Variants in DPYD observed in about 807,000 individuals in gnomAD.
DPYD encodes the protein dihydropyrimidine dehydrogenase [NADP(+)].
DPYD carries 109 observed loss-of-function variants against 116.2 expected under a neutral mutation model. That is an observed-to-expected ratio of 0.94 (90% CI 0.80 to 1.10). The LOEUF is 1.10. DPYD is among the 50% of genes least tolerant of loss of function. DPYD has a pLI of 0.00. For missense variants in DPYD, 1,302 were observed against 1,254.5 expected, an observed-to-expected ratio of 1.04 and a Z score of -0.57; for synonymous variants, 440 against 432.0, an observed-to-expected ratio of 1.02 and a Z score of -0.23.
intron 16 of DPYD, among the ~76,000 whole-genome samples, chr1:97,323,614 GTATA>G (rs1491428827): frequency 1.7e-5 from 1 of 57,638 alleles, no homozygotes; most frequent in Admixed American, 1.8e-4. Flanking sequence ...ATATATACAC[GTATA>G]TATACATATC....
chr1:97,193,532 C>G (rs1484879058), intron 19 of DPYD, among the ~76,000 whole-genome samples: 1 of 152,060 alleles, frequency 6.6e-6, no homozygotes, highest in Non-Finnish European at 1.5e-5. Context: ...GTTTAAATAG[C>G]TACAGTTTAT....
chr1:97,267,202 A>G (rs1010497593), intron 18 of DPYD, among the ~76,000 whole-genome samples: 2 of 152,054 alleles, frequency 1.3e-5, no homozygotes, highest in African/African-American at 4.8e-5. Context: ...TTGTTTCCTG[A>G]CTTTTTAATG....
intron 1 of DPYD, among the ~76,000 whole-genome samples, chr1:97,894,247 T>G (rs976560450): frequency 6.6e-6 from 1 of 151,798 alleles, no homozygotes; most frequent in Admixed American, 6.6e-5. Context: ...AGTCTTTTCT[T>G]ATAAGAAGCA....
At chr1:97,500,778 C>G (rs1480945596) in intron 13 of DPYD, among the ~76,000 whole-genome samples, 4 of 152,042 alleles carry the variant, frequency 2.6e-5, no homozygotes, top group Non-Finnish European at 2.9e-5. Flanking sequence ...ACCTTCAGTA[C>G]AAAAATGACA....
At chr1:97,463,561 T>C (rs1335945450) in intron 13 of DPYD, among the ~76,000 whole-genome samples, 1 of 152,070 alleles carries the variant, frequency 6.6e-6, no homozygotes, top group Non-Finnish European at 1.5e-5. Context: ...ACTATGAAAC[T>C]GGATAGCAGG....
Position 97,082,347 on chromosome 1 carries a change from T to C in DPYD, c.2890A>G (p.Asn964Asp). 4 of 1,613,540 alleles carry C rather than the reference T, an allele frequency of 2.5e-6. No individual in the cohort carries two copies. The highest frequency in any genetic ancestry group is 3.4e-6 in the Non-Finnish European group (4 of 1,179,564). ...ATTCTTACCTGGTAGCCAGAATCAT[T>C]ACAGGTCATGTAGCATTTACCACAG... ...INCGKCYMTC[N>D]DSGYQAIQFD... Residue 964 changes from asparagine to aspartate, a missense_variant, in exon 22 of 23, where the codon AAT (asparagine) becomes GAT (aspartate). By Grantham distance (23) the Asn-to-Asp change is conservative (BLOSUM62 1). Transcript: ENST00000370192.
At chr1:97,724,305 GGGGTGTGTGTGTGT>G (rs1663104103) in intron 4 of DPYD, among the ~76,000 whole-genome samples, 6 of 202 alleles carry the variant, frequency 0.03, no homozygotes, top group African/African-American at 0.05. Flanking sequence ...GGGGGGGGGG[GGGGTGTGTGTGTGT>G]GTGTGTGTGT....
chr1:97,473,642 T>C (rs1189510953), intron 13 of DPYD, among the ~76,000 whole-genome samples: 1 of 152,104 alleles, frequency 6.6e-6, no homozygotes, highest in Non-Finnish European at 1.5e-5. Context: ...CAACAAGTAT[T>C]GGTGAAGGTG....
intron 1 of DPYD, among the ~76,000 whole-genome samples, chr1:97,917,609 T>C (rs4269803): frequency 0.98 from 148,508 of 152,272 alleles, 72,541 homozygotes; most frequent in Middle Eastern, 1. Flanking sequence ...CTTTTTCATT[T>C]AGGGTAAATG....
At chr1:97,775,924 G>T (rs747584432) in intron 3 of DPYD, among the ~76,000 whole-genome samples, 11 of 151,968 alleles carry the variant, frequency 7.2e-5, no homozygotes, top group Non-Finnish European at 1.5e-4. Context: ...TTTCTATGAT[G>T]TGTTTCATTT....
intron 13 of DPYD, among the ~76,000 whole-genome samples, chr1:97,478,665 C>T (rs970543890): frequency 6.6e-6 from 1 of 152,204 alleles, no homozygotes; most frequent in African/African-American, 2.4e-5. Flanking sequence ...TCATCAGCTG[C>T]AATTTGCCCA....
At chr1:97,814,124 G>C (rs977083364) in intron 3 of DPYD, among the ~76,000 whole-genome samples, 2 of 152,122 alleles carry the variant, frequency 1.3e-5, no homozygotes, top group African/African-American at 4.8e-5. Context: ...CACTGAAGCT[G>C]AGAGCTGAAT....
intron 6 of DPYD, among the ~76,000 whole-genome samples, chr1:97,696,152 A>T (rs1661294480): frequency 6.7e-6 from 1 of 149,088 alleles, no homozygotes; most frequent in Non-Finnish European, 1.5e-5. Flanking sequence ...GAAAAAAGAA[A>T]AGAAAAAAAG....
intron 14 of DPYD, among the ~76,000 whole-genome samples, chr1:97,401,706 A>C (rs752217715): frequency 2.6e-5 from 4 of 152,164 alleles, no homozygotes; most frequent in Non-Finnish European, 5.9e-5. Flanking sequence ...TGTGTCATCA[A>C]CATATTCAAG....
At chr1:97,840,245 CA>C (rs200667091) in intron 2 of DPYD, among the ~76,000 whole-genome samples, 5 of 149,886 alleles carry the variant, frequency 3.3e-5, no homozygotes, top group African/African-American at 9.8e-5. Context: ...AAATGCACGA[CA>C]AAAAAAAACC....
chr1:97,642,922 T>C (rs1658020189), intron 8 of DPYD, among the ~76,000 whole-genome samples: 1 of 151,270 alleles, frequency 6.6e-6, no homozygotes, highest in Non-Finnish European at 1.5e-5. Context: ...TTAAATTAAG[T>C]TACATTAAAT....
chr1:97,170,086 A>G lies in DPYD; in HGVS notation c.2622+22983T>C, dbSNP rs144270014. On this transcript the variant is annotated intron_variant, in intron 20 of 22. Coordinates refer to ENST00000370192, the MANE Select transcript of DPYD (RefSeq NM_000110.4). ...ATGCAGGCATACATACAGAAAATAT[A>G]TTAGCATCACAAAGGCAGGGGAAAT... Among the ~76,000 whole-genome samples, 192 of 152,330 alleles carry G rather than the reference A, an allele frequency of 1.3e-3. 1 individual carries two copies. The East Asian group carries it at 0.024, about 19-fold the overall frequency.
intron 16 of DPYD, among the ~76,000 whole-genome samples, chr1:97,333,173 T>G (rs1273504888): frequency 6.6e-6 from 1 of 151,576 alleles, no homozygotes; most frequent in Non-Finnish European, 1.5e-5. Flanking sequence ...TTACCCTGTC[T>G]CAGGCTCCCA....
intron 20 of DPYD, among the ~76,000 whole-genome samples, chr1:97,161,997 G>A (rs1570578737): frequency 6.6e-6 from 1 of 151,858 alleles, no homozygotes; most frequent in South Asian, 2.1e-4. Flanking sequence ...TTGGTTCCAA[G>A]TCTTTGCTAT....
Sources: allele counts gnomAD v4.1 joint callset (sites outside exome capture counted in the v4.1 genomes callset), GRCh38; gene constraint gnomAD v4.1.1; transcripts MANE v1.5; gene names NCBI Gene and HGNC (gene_info 2026-07-23, HGNC 2026-07-21).